YTHDC2: variants seen among roughly 807,000 people sequenced by gnomAD.
The protein encoded by YTHDC2 is YTH N6-methyladenosine RNA binding protein C2, also known as 3'-5' RNA helicase YTHDC2.
In YTHDC2, 45 loss-of-function variants were observed where a neutral mutation model predicts 174.9. The ratio of observed to expected loss-of-function variants is 0.26; its 90% CI spans 0.20 to 0.33. YTHDC2 has a LOEUF of 0.33. YTHDC2 is among the 10% of genes least tolerant of loss of function. YTHDC2 has a pLI of 1.00. For missense variants in YTHDC2, 1,650 were observed against 1,723.7 expected (o/e 0.96, Z 0.76); for synonymous variants, 657 against 574.5 (o/e 1.14, Z -2.05).
At chr5:113,541,226 C>G in intron 9 of YTHDC2, 110 bp downstream of exon 9, 15 of 1,230,250 alleles carry the variant, frequency 1.2e-5, no homozygotes, top group South Asian at 2.6e-5. Context: ...GAGTCTGGCT[C>G]TGTGGCCCAG....
chr5:113,549,345 A>G (rs1776097361), intron 12 of YTHDC2, among the ~76,000 whole-genome samples: 1 of 152,196 alleles, frequency 6.6e-6, no homozygotes, highest in Non-Finnish European at 1.5e-5. Context: ...AACCAAAGTC[A>G]AAGAGAATGG....
intron 9 of YTHDC2, among the ~76,000 whole-genome samples, chr5:113,541,637 T>C (rs193208316): frequency 3.7e-4 from 57 of 152,276 alleles, no homozygotes; most frequent in African/African-American, 1.3e-3. Context: ...AATGCAGATA[T>C]GTTTGCAGTT....
rs774904190 is a variant in YTHDC2, at chr5:113,525,100, G to T, written c.398G>T (p.Arg133Ile). The T allele has an allele frequency of 6.2e-7, 1 of 1,612,246 alleles. No individual in the cohort carries two copies. The change falls in exon 3 of 30, where the codon AGA becomes ATA. Residue 133 changes from arginine (R) to isoleucine (I), a missense_variant. This residue lies in a region of YTHDC2 where 304 missense variants were observed against 341.4 expected (regional missense o/e 0.89). Coordinates refer to ENST00000161863, the MANE Select transcript of YTHDC2 (RefSeq NM_022828.5). ...TKHAVRSLIQ[R>I]FPVTNKERTE... Reference sequence around the variant, plus strand: ...CATGCTGTTAGGAGCCTAATTCAAAGATTTCCTGTCACCAATAAAGAGCGT... The same window carrying T: ...CATGCTGTTAGGAGCCTAATTCAAATATTTCCTGTCACCAATAAAGAGCGT...
At chr5:113,542,684 A>C (rs1012660013) in intron 10 of YTHDC2, among the ~76,000 whole-genome samples, 181 bp downstream of exon 10, 3 of 152,230 alleles carry the variant, frequency 2.0e-5, no homozygotes, top group Non-Finnish European at 2.9e-5. Flanking sequence ...TAGTAGAAAT[A>C]AATATTGTGT....
At chr5:113,575,426 GGATC>G (rs1311108757) in intron 23 of YTHDC2, among the ~76,000 whole-genome samples, 4 of 152,278 alleles carry the variant, frequency 2.6e-5, no homozygotes, top group African/African-American at 9.6e-5. Context: ...AATACAAAGA[GGATC>G]GCCTTAGGGG....
At chr5:113,558,150 G>A (rs2112693136) in intron 17 of YTHDC2, among the ~76,000 whole-genome samples, 1 of 152,366 alleles carries the variant, frequency 6.6e-6, no homozygotes, top group Non-Finnish European at 1.5e-5. Flanking sequence ...CTAAAGGCAA[G>A]AGTGAATAGG....
At chr5:113,570,496 A>G (rs1777646039) in intron 23 of YTHDC2, among the ~76,000 whole-genome samples, 2 of 152,086 alleles carry the variant, frequency 1.3e-5, no homozygotes, top group South Asian at 2.1e-4. Flanking sequence ...TAGGAATGCT[A>G]GCAATTTTTG....
At chr5:113,525,499 A>G (rs1262352638) in intron 3 of YTHDC2, among the ~76,000 whole-genome samples, 3 of 152,042 alleles carry the variant, frequency 2.0e-5, no homozygotes, top group Non-Finnish European at 4.4e-5. Flanking sequence ...AATTTCCCCT[A>G]TTTCACAGGT....
intron 3 of YTHDC2, 27 bp downstream of exon 3, chr5:113,525,204 A>G (rs968042864): frequency 1.2e-5 from 18 of 1,517,518 alleles, no homozygotes; most frequent in East Asian, 4.8e-5. Flanking sequence ...GAGCTTCCTC[A>G]TTTACCCTAT....
intron 9 of YTHDC2, among the ~76,000 whole-genome samples, chr5:113,541,607 T>C (rs1344676098): frequency 1.3e-5 from 2 of 152,178 alleles, no homozygotes; most frequent in Non-Finnish European, 2.9e-5. Flanking sequence ...TACCCTTTTT[T>C]TGAGCATGTG....
chr5:113,592,287 T>C (rs1019035991), intron 28 of YTHDC2, 109 bp downstream of exon 28: 12 of 1,110,642 alleles, frequency 1.1e-5, no homozygotes, highest in Middle Eastern at 3.0e-4. Context: ...ATATTCCATA[T>C]GCACATGGGA....
intron 16 of YTHDC2, among the ~76,000 whole-genome samples, chr5:113,555,394 G>C (rs1396284292): frequency 1.3e-5 from 2 of 152,092 alleles, no homozygotes; most frequent in Non-Finnish European, 2.9e-5. Flanking sequence ...AGTACCGAGT[G>C]ACTGAAATAC....
chr5:113,540,452 A>G (rs1255155839), intron 8 of YTHDC2, among the ~76,000 whole-genome samples: 2 of 152,322 alleles, frequency 1.3e-5, no homozygotes, highest in East Asian at 3.9e-4. Context: ...TTGGAAATTT[A>G]TAAAGAAAAG....
intron 10 of YTHDC2, among the ~76,000 whole-genome samples, chr5:113,545,150 A>G (rs934126599): frequency 6.6e-5 from 10 of 152,096 alleles, no homozygotes; most frequent in Admixed American, 4.6e-4. Flanking sequence ...CTGTTTGTCA[A>G]TTTGAGGTGT....
chr5:113,559,458 C>G (rs1460968371), intron 17 of YTHDC2, among the ~76,000 whole-genome samples: 1 of 152,082 alleles, frequency 6.6e-6, no homozygotes. Context: ...CAACAGTTTA[C>G]AAATGGATAA....
intron 26 of YTHDC2, among the ~76,000 whole-genome samples, chr5:113,589,301 T>C (rs1265563954): frequency 2.6e-5 from 4 of 151,228 alleles, no homozygotes; most frequent in Non-Finnish European, 5.9e-5. Context: ...CGTTCACTGA[T>C]GTTTTTATTT....
Position 113,593,624 on chromosome 5 carries a change from G to A in YTHDC2, c.*150G>A, listed in dbSNP as rs928935268. On this transcript the variant is annotated 3_prime_UTR_variant, in exon 30 of 30. Transcript: ENST00000161863. The stretch of plus-strand genomic sequence containing the variant: ...TTTAGAACTACCATCTTCATATACA[G>A]GAGAAAGGAAGCATTTAAATTTTTA... 26 of 310,892 alleles carry A rather than the reference G, an allele frequency of 8.4e-5. 1 individual carries two copies. Among genetic ancestry groups the A allele is most frequent in the African/African-American group, 1.9e-4 (9 of 47,016 alleles). 19.3% of individuals were successfully genotyped at this position (310,892 alleles called of 1,614,324 possible). A position where few individuals can be genotyped will look rare whatever the true frequency, so the allele number is the denominator to read the frequency against.
intron 12 of YTHDC2, among the ~76,000 whole-genome samples, chr5:113,549,946 T>C (rs1776136222): frequency 7.0e-6 from 1 of 143,280 alleles, no homozygotes; most frequent in African/African-American, 2.7e-5. Context: ...AAAAATATGA[T>C]AGCAGAAAAA....
chr5:113,544,799 A>G (rs1477145687), intron 10 of YTHDC2, among the ~76,000 whole-genome samples: 1 of 150,840 alleles, frequency 6.6e-6, no homozygotes, highest in Admixed American at 6.6e-5. Flanking sequence ...GATATGTTCT[A>G]TTTTATCCCT....
Sources: gnomAD v4.1 joint callset for allele counts (sites outside exome capture counted in the v4.1 genomes callset) on GRCh38, gnomAD v4.1.1 for gene constraint, gnomAD v4.1.1 regional missense constraint, MANE v1.5 for transcripts, NCBI Gene and HGNC (gene_info 2026-07-23, HGNC 2026-07-21) for gene names.